Variants in KAZN observed in about 807,000 individuals in gnomAD.
KAZN encodes the protein kazrin, periplakin interacting protein, also known as kazrin.
Under a neutral mutation model 87.4 loss-of-function variants are expected in KAZN, and 40 were observed. That is an observed-to-expected ratio of 0.46 (90% CI 0.36 to 0.60). The LOEUF (loss-of-function observed/expected upper bound fraction) is 0.60, where lower values mean the gene tolerates loss of function less well. Among genes scored for constraint, KAZN ranks in the 20% least tolerant of loss-of-function variants. KAZN has a pLI of 0.00. For missense variants in KAZN, 898 were observed against 1,073.9 expected, an observed-to-expected ratio of 0.84 and a Z score of 2.29; for synonymous variants, 466 against 458.3, an observed-to-expected ratio of 1.02 and a Z score of -0.22.
chr1:14,839,656 G>A (rs1412285323), intron 1 of KAZN, among the ~76,000 whole-genome samples: 1 of 152,130 alleles, frequency 6.6e-6, no homozygotes, highest in Admixed American at 6.5e-5. Context: ...CTACCTGTTT[G>A]TGTGTTTGTT....
At chr1:15,015,220 T>G (rs1430440868) in intron 2 of KAZN, among the ~76,000 whole-genome samples, 1 of 152,010 alleles carries the variant, frequency 6.6e-6, no homozygotes, top group African/African-American at 2.4e-5. Context: ...TGGCGCGATC[T>G]CGGCTCACTG....
intron 1 of KAZN, among the ~76,000 whole-genome samples, chr1:14,757,202 AT>A (rs1227586798): frequency 5.3e-5 from 8 of 152,224 alleles, no homozygotes; most frequent in Non-Finnish European, 2.9e-5. Context: ...GTTACAATAT[AT>A]GGTTTTTTTC....
At chr1:14,270,475 T>C (rs1231841784) in intron 2 of KAZN, among the ~76,000 whole-genome samples, 1 of 152,178 alleles carries the variant, frequency 6.6e-6, no homozygotes, top group Non-Finnish European at 1.5e-5. Flanking sequence ...TTACATGCAT[T>C]AAGTATGAAT....
intron 2 of KAZN, among the ~76,000 whole-genome samples, chr1:14,363,345 C>A (rs1267441390): frequency 6.6e-6 from 1 of 152,190 alleles, no homozygotes; most frequent in East Asian, 1.9e-4. Flanking sequence ...CTAGTAGGTG[C>A]AGCCAGCCCA....
intron 1 of KAZN, among the ~76,000 whole-genome samples, chr1:14,700,133 C>G (rs1438744264): frequency 6.6e-6 from 1 of 152,104 alleles, no homozygotes; most frequent in Non-Finnish European, 1.5e-5. Context: ...GACTTATGGT[C>G]AAGAAAGTCT....
intron 1 of KAZN, among the ~76,000 whole-genome samples, chr1:14,111,886 C>T (rs1046532439): frequency 1.3e-5 from 2 of 151,972 alleles, no homozygotes; most frequent in Admixed American, 6.6e-5. Flanking sequence ...ACTACAGCTG[C>T]GCACCACCAC....
chr1:14,359,243 CTG>C (rs1659298522), intron 2 of KAZN, among the ~76,000 whole-genome samples: 1 of 151,948 alleles, frequency 6.6e-6, no homozygotes, highest in Non-Finnish European at 1.5e-5. Context: ...ATTACAAGCC[CTG>C]CTTTTTTTTT....
intron 1 of KAZN, among the ~76,000 whole-genome samples, chr1:14,602,663 T>C (rs748361561): frequency 1.4e-4 from 22 of 152,234 alleles, no homozygotes; most frequent in Non-Finnish European, 2.8e-4. Context: ...CTGAAAAAGT[T>C]TTATCAGCTG....
intron 1 of KAZN, among the ~76,000 whole-genome samples, chr1:13,918,384 A>G (rs767387357): frequency 6.6e-6 from 1 of 152,228 alleles, no homozygotes; most frequent in African/African-American, 2.4e-5. Flanking sequence ...AACTAGGATT[A>G]AAAGTGGAGT....
chr1:15,027,801 A>G (rs1462001583), intron 2 of KAZN, among the ~76,000 whole-genome samples: 1 of 152,046 alleles, frequency 6.6e-6, no homozygotes, highest in African/African-American at 2.4e-5. Context: ...TGACCTTGCG[A>G]CATCCAGGAT....
At chr1:14,688,580 G>T (rs1032150289) in intron 1 of KAZN, among the ~76,000 whole-genome samples, 1 of 152,236 alleles carries the variant, frequency 6.6e-6, no homozygotes, top group African/African-American at 2.4e-5. Context: ...AAAACACGAT[G>T]AAGTAAAAAG....
At chr1:15,080,332 G>C (rs1278904077) in intron 8 of KAZN, among the ~76,000 whole-genome samples, 1 of 152,198 alleles carries the variant, frequency 6.6e-6, no homozygotes, top group Non-Finnish European at 1.5e-5. Context: ...GTTGGGGTGG[G>C]AGGTACCACC....
intron 1 of KAZN, among the ~76,000 whole-genome samples, chr1:14,896,515 G>C (rs1175806603): frequency 6.6e-6 from 1 of 152,218 alleles, no homozygotes; most frequent in African/African-American, 2.4e-5. Context: ...AAATTGGCTG[G>C]AATTGGTTTC....
chr1:13,951,511 G>T (rs1427592409), intron 1 of KAZN, among the ~76,000 whole-genome samples: 3 of 152,076 alleles, frequency 2.0e-5, no homozygotes, highest in Non-Finnish European at 4.4e-5. Flanking sequence ...TCTCAAAAGG[G>T]TTCTGGTTTG....
chr1:14,032,300 G>A (rs948779642), intron 1 of KAZN, among the ~76,000 whole-genome samples: 1 of 152,210 alleles, frequency 6.6e-6, no homozygotes, highest in African/African-American at 2.4e-5. Context: ...TGTGAGGTCG[G>A]TAGCATTCCT....
intron 11 of KAZN, among the ~76,000 whole-genome samples, chr1:15,102,727 C>T (rs578145305): frequency 5.3e-5 from 8 of 152,312 alleles, no homozygotes; most frequent in South Asian, 4.1e-4. Context: ...GCCTGCGATA[C>T]GGTGGCGAGA....
At chr1:14,984,685 A>G (rs767178382) in intron 2 of KAZN, among the ~76,000 whole-genome samples, 1 of 152,160 alleles carries the variant, frequency 6.6e-6, no homozygotes, top group African/African-American at 2.4e-5. Context: ...GGAGGATGCC[A>G]GGCATGAGGC....
intron 1 of KAZN, among the ~76,000 whole-genome samples, chr1:14,866,863 C>T (rs1240918993): frequency 6.6e-6 from 1 of 152,236 alleles, no homozygotes; most frequent in Non-Finnish European, 1.5e-5. Context: ...TCTGAGGCCC[C>T]AGGCATGGAA....
chr1:15,039,563 T>C (rs966315322), intron 3 of KAZN, among the ~76,000 whole-genome samples: 1 of 152,226 alleles, frequency 6.6e-6, no homozygotes, highest in Admixed American at 6.5e-5. Flanking sequence ...CTTCTCTGTG[T>C]CTTTTCATGA....
Sources: gnomAD v4.1 joint callset for allele counts (sites outside exome capture counted in the v4.1 genomes callset) on GRCh38, gnomAD v4.1.1 for gene constraint, MANE v1.5 for transcripts, NCBI Gene and HGNC (gene_info 2026-07-23, HGNC 2026-07-21) for gene names.